SCML2: variants seen among roughly 807,000 people sequenced by gnomAD.
SCML2 encodes the protein sex comb on midleg-like protein 2.
Under a neutral mutation model 48.4 loss-of-function variants are expected in SCML2, and 6 were observed. The observed-to-expected ratio is 0.12, with a 90% CI of 0.07 to 0.24. The LOEUF (loss-of-function observed/expected upper bound fraction) is 0.24. Among genes scored for constraint, SCML2 ranks in the 10% least tolerant of loss-of-function variants. SCML2 has a pLI of 1.00. For synonymous variants in SCML2, 181 were observed against 189.5 expected (o/e 0.95, Z 0.37); for missense variants, 377 against 528.2 (o/e 0.71, Z 2.81).
chrX:18,322,892 T>G (rs1753094710), intron 5 of SCML2, among the ~76,000 whole-genome samples: 1 of 110,311 alleles, frequency 9.1e-6, no homozygotes. Context: ...GAAAACCATC[T>G]CAAAAAAAAA....
At chrX:18,301,542 A>G (rs1928591029) in intron 7 of SCML2, among the ~76,000 whole-genome samples, 1 of 112,215 alleles carries the variant, frequency 8.9e-6, no homozygotes, top group African/African-American at 3.2e-5. Flanking sequence ...GAGGCTGAAG[A>G]GGGAGAATCA....
In SCML2 at chrX:18,305,692, C is replaced by T. The variant is rs777199581; in HGVS notation, c.487-477G>A. Reference sequence around the variant, plus strand: ...AAGTGGTAAGTCCAAAGAAAAGAAACGACATCAGATAATATCCTAAAAGAA... The same window carrying T: ...AAGTGGTAAGTCCAAAGAAAAGAAATGACATCAGATAATATCCTAAAAGAA... On this transcript the variant is annotated intron_variant, in intron 6 of 14. Coordinates refer to ENST00000251900, the MANE Select transcript of SCML2 (RefSeq NM_006089.3). Among the ~76,000 whole-genome samples the T allele has an allele frequency of 2.8e-5, 3 of 107,552 alleles. No homozygotes were observed. The South Asian group carries it at 1.2e-3, about 43-fold the overall frequency. 93.4% of individuals were successfully genotyped at this position (107,552 alleles called of 115,157 possible). A position where few individuals can be genotyped will look rare whatever the true frequency, so the allele number is the denominator to read the frequency against.
At chrX:18,287,797 T>C (rs978087941) in intron 7 of SCML2, among the ~76,000 whole-genome samples, 1 of 111,776 alleles carries the variant, frequency 8.9e-6, no homozygotes, top group Admixed American at 9.5e-5. Context: ...AATTAGAATT[T>C]AGAAAGGCTC....
rs549775785 is a variant in SCML2 at position 18,273,101 on chromosome X, C to A, written c.731-7299G>T. Among the ~76,000 whole-genome samples, 37 of 111,480 alleles carry A rather than the reference C, an allele frequency of 3.3e-4. No homozygotes were observed. The East Asian group carries it at 0.01, about 31-fold the overall frequency. The stretch of plus-strand genomic sequence containing the variant: ...GACACTCTGCCTTCTTTTCAAAATT[C>A]TTTAAGTCTCACATAGCAACTCTTT... On this transcript the variant is annotated intron_variant, in intron 7 of 14. Transcript: ENST00000251900.
chrX:18,326,105 C>T (rs1332730856), intron 3 of SCML2, among the ~76,000 whole-genome samples: 1 of 112,341 alleles, frequency 8.9e-6, no homozygotes, highest in South Asian at 3.7e-4. Flanking sequence ...AAACCACCAA[C>T]CATGAAATTG....
chrX:18,351,775 T>C (rs1930384888), intron 1 of SCML2, among the ~76,000 whole-genome samples: 1 of 110,906 alleles, frequency 9.0e-6, no homozygotes, highest in Non-Finnish European at 1.9e-5. Flanking sequence ...AAGTCATTGC[T>C]ATTAACCCCA....
intron 1 of SCML2, among the ~76,000 whole-genome samples, chrX:18,335,523 T>C (rs1488145085): frequency 9.0e-6 from 1 of 110,578 alleles, no homozygotes; most frequent in Non-Finnish European, 1.9e-5. Context: ...AATAAATAAA[T>C]AGTCTTATTA....
chrX:18,288,775 T>C (rs986604167), intron 7 of SCML2, among the ~76,000 whole-genome samples: 1 of 112,314 alleles, frequency 8.9e-6, no homozygotes, highest in Non-Finnish European at 1.9e-5. Flanking sequence ...AATGATAGGA[T>C]AGCCTTGCTC....
chrX:18,257,375 C>T (rs1394917187), intron 10 of SCML2, among the ~76,000 whole-genome samples: 4 of 111,515 alleles, frequency 3.6e-5, no homozygotes, highest in Non-Finnish European at 7.5e-5. Flanking sequence ...TCTTGAGTCA[C>T]ATATTTATTT....
intron 7 of SCML2, among the ~76,000 whole-genome samples, chrX:18,291,374 A>AT (rs1928228724): frequency 8.9e-6 from 1 of 111,975 alleles, no homozygotes; most frequent in South Asian, 3.7e-4. Flanking sequence ...TTTCTCAGTG[A>AT]TTTTTTTCTA....
At chrX:18,270,345 A>G (rs751539602) in intron 7 of SCML2, among the ~76,000 whole-genome samples, 7 of 111,302 alleles carry the variant, frequency 6.3e-5, no homozygotes, top group Non-Finnish European at 1.3e-4. Flanking sequence ...TTACATATGA[A>G]CAAAATTTCA....
At chrX:18,290,655 T>C (rs1201578201) in intron 7 of SCML2, among the ~76,000 whole-genome samples, 1 of 111,807 alleles carries the variant, frequency 8.9e-6, no homozygotes, top group African/African-American at 3.2e-5. Context: ...TTTTACTTCT[T>C]AGTTTTTCAA....
chrX:18,274,257 A>G (rs1005557837), intron 7 of SCML2, among the ~76,000 whole-genome samples: 21 of 111,340 alleles, frequency 1.9e-4, no homozygotes, highest in Non-Finnish European at 3.4e-4. Flanking sequence ...CAGCGCCCAA[A>G]AGCACTCGCC....
At chrX:18,326,027 C>A (rs1353707759) in intron 3 of SCML2, among the ~76,000 whole-genome samples, 1 of 112,123 alleles carries the variant, frequency 8.9e-6, no homozygotes, top group Non-Finnish European at 1.9e-5. Flanking sequence ...AAAAACCTGA[C>A]TGACAGCGTT....
intron 5 of SCML2, among the ~76,000 whole-genome samples, chrX:18,321,176 G>A (rs1047919704): frequency 2.7e-5 from 3 of 111,501 alleles, no homozygotes; most frequent in African/African-American, 9.8e-5. Context: ...TTAGAAAAAA[G>A]ACAGCTCTCA....
intron 12 of SCML2, 120 bp from the exon 13 acceptor site, chrX:18,246,948 A>G: frequency 1.4e-6 from 1 of 699,718 alleles, no homozygotes; most frequent in Non-Finnish European, 2.1e-6. Context: ...CTGAACCACA[A>G]TGCTCTAACA....
At chrX:18,294,931 T>G (rs1928345368) in intron 7 of SCML2, among the ~76,000 whole-genome samples, 1 of 111,085 alleles carries the variant, frequency 9.0e-6, no homozygotes, top group African/African-American at 3.3e-5. Context: ...GAGAACAGAC[T>G]CTAACACTGC....
intron 6 of SCML2, among the ~76,000 whole-genome samples, chrX:18,306,866 G>A (rs1209894793): frequency 2.7e-5 from 3 of 110,015 alleles, no homozygotes; most frequent in Admixed American, 9.8e-5. Context: ...TGAGGGCCTC[G>A]CTATGTTGGC....
At chrX:18,353,615 C>G (rs1930441433) in intron 1 of SCML2, among the ~76,000 whole-genome samples, 1 of 112,904 alleles carries the variant, frequency 8.9e-6, no homozygotes. Flanking sequence ...AAGTTGCAAT[C>G]ACACTTTGTG....
Sources: gnomAD v4.1 joint callset for allele counts (sites outside exome capture counted in the v4.1 genomes callset) on GRCh38, gnomAD v4.1.1 for gene constraint, MANE v1.5 for transcripts, NCBI Gene and HGNC (gene_info 2026-07-23, HGNC 2026-07-21) for gene names.